GALK2: variants seen among roughly 807,000 people sequenced by gnomAD.
GALK2 encodes the protein galactokinase 2, also known as N-acetylgalactosamine kinase.
A neutral mutation model predicts 52.4 loss-of-function variants in GALK2; 36 were observed. The observed-to-expected ratio is 0.69, with a 90% CI of 0.53 to 0.91. The LOEUF is 0.91. GALK2 is among the 40% of genes least tolerant of loss of function. GALK2 has a pLI of 0.00. For missense variants in GALK2, 579 were observed against 559.1 expected, an observed-to-expected ratio of 1.04 and a Z score of -0.36; for synonymous variants, 176 against 199.1, an observed-to-expected ratio of 0.88 and a Z score of 0.98.
At chr15:49,299,738 T>TTTCTTTCTTTCTTTCTTTCTTTCTTTC (rs2034844329) in intron 8 of GALK2, among the ~76,000 whole-genome samples, 18 of 76,452 alleles carry the variant, frequency 2.4e-4, no homozygotes, top group African/African-American at 7.7e-4. Context: ...TTCTTTCTTT[T>TTTCTTTCTTTCTTTCTTTCTTTCTTTC]CTTTCTTTCT....
At chr15:49,366,789 G>A in intron 3 of GALK2, 1 of 589,936 alleles carries the variant, frequency 1.7e-6, no homozygotes, top group East Asian at 3.1e-5. Context: ...GGCCGGGCTA[G>A]GCTGGGATCG....
At chr15:49,196,049 A>G (rs2141282976) in intron 1 of GALK2, among the ~76,000 whole-genome samples, 1 of 152,092 alleles carries the variant, frequency 6.6e-6, no homozygotes, top group South Asian at 2.1e-4. Flanking sequence ...TTTATCCCCC[A>G]TATTATTAAT....
At chr15:49,361,536 T>TG (rs2151407594) in intron 3 of GALK2, among the ~76,000 whole-genome samples, 1 of 152,290 alleles carries the variant, frequency 6.6e-6, no homozygotes, top group Admixed American at 6.5e-5. Context: ...CTTAGGTTAA[T>TG]GGCCTCCAGC....
intron 8 of GALK2, among the ~76,000 whole-genome samples, chr15:49,302,780 A>G (rs2035221103): frequency 6.6e-6 from 1 of 152,208 alleles, no homozygotes; most frequent in South Asian, 2.1e-4. Context: ...AGACCCTTCT[A>G]GAGTTTACAG....
chr15:49,315,743 A>T (rs1272927518), intron 8 of GALK2, among the ~76,000 whole-genome samples: 1 of 152,182 alleles, frequency 6.6e-6, no homozygotes, highest in Non-Finnish European at 1.5e-5. Flanking sequence ...CTCGTTAGAC[A>T]TTCCTATTCA....
intron 3 of GALK2, among the ~76,000 whole-genome samples, chr15:49,229,344 C>T (rs1249555245): frequency 6.6e-6 from 1 of 152,108 alleles, no homozygotes; most frequent in Non-Finnish European, 1.5e-5. Context: ...GGTCCTTGGA[C>T]CCCTGGGTAG....
At chr15:49,318,381 G>A (rs961923992) in intron 8 of GALK2, among the ~76,000 whole-genome samples, 2 of 151,530 alleles carry the variant, frequency 1.3e-5, no homozygotes, top group African/African-American at 2.4e-5. Context: ...TAACATTTTC[G>A]TGCTTTCCTA....
At chr15:49,253,861 T>A (rs994778545) in intron 5 of GALK2, among the ~76,000 whole-genome samples, 1 of 143,938 alleles carries the variant, frequency 6.9e-6, no homozygotes, top group African/African-American at 2.5e-5. Context: ...ATCATCATCA[T>A]CAACAACAAC....
intron 1 of GALK2, among the ~76,000 whole-genome samples, chr15:49,189,027 A>G (rs2086548608): frequency 6.6e-6 from 1 of 152,202 alleles, no homozygotes; most frequent in South Asian, 2.1e-4. Flanking sequence ...CTTCCTTACC[A>G]TGCAGGCTAA....
chr15:49,222,275 T>G (rs2089853095), intron 3 of GALK2, among the ~76,000 whole-genome samples: 1 of 152,200 alleles, frequency 6.6e-6, no homozygotes, highest in African/African-American at 2.4e-5. Context: ...CTGAATTTAT[T>G]TATTAGGTGT....
At chr15:49,264,913 T>C (rs1316681522) in intron 5 of GALK2, among the ~76,000 whole-genome samples, 1 of 152,240 alleles carries the variant, frequency 6.6e-6, no homozygotes, top group East Asian at 1.9e-4. Context: ...CGAATGCTGC[T>C]GTCTGATCGT....
chr15:49,365,754 G>T, intron 3 of GALK2: 1 of 865,936 alleles, frequency 1.2e-6, no homozygotes, highest in Non-Finnish European at 2.0e-6. Flanking sequence ...AAGCCCACCT[G>T]TCTTCATTTT....
intron 7 of GALK2, among the ~76,000 whole-genome samples, chr15:49,289,213 G>C (rs1466303281): frequency 6.6e-6 from 1 of 152,144 alleles, no homozygotes; most frequent in African/African-American, 2.4e-5. Flanking sequence ...TGTCTGCCTG[G>C]AGCCTGGGAA....
chr15:49,277,438 G>T (rs2031984283), intron 5 of GALK2, among the ~76,000 whole-genome samples: 1 of 144,232 alleles, frequency 6.9e-6, no homozygotes, highest in Non-Finnish European at 1.5e-5. Flanking sequence ...AAAGTGCTGG[G>T]ATGACAGGCG....
chr15:49,304,951 C>T (rs549855764), intron 8 of GALK2, among the ~76,000 whole-genome samples: 9 of 152,290 alleles, frequency 5.9e-5, no homozygotes, highest in Non-Finnish European at 8.8e-5. Flanking sequence ...TGGCTTGTCA[C>T]TTTCTTCCCT....
At chr15:49,354,241 A>G (rs557077095) in intron 3 of GALK2, among the ~76,000 whole-genome samples, 1 of 152,260 alleles carries the variant, frequency 6.6e-6, no homozygotes, top group East Asian at 1.9e-4. Context: ...TATGGGGAGG[A>G]GCCAAGATGG....
chr15:49,240,168 C>T (rs956438460), intron 5 of GALK2, among the ~76,000 whole-genome samples: 20 of 152,162 alleles, frequency 1.3e-4, no homozygotes, highest in African/African-American at 4.6e-4. Context: ...TTCTTTTTAG[C>T]TGTCCTGTGT....
chr15:49,209,560 CA>C (rs1433491033), intron 2 of GALK2, among the ~76,000 whole-genome samples: 1 of 152,084 alleles, frequency 6.6e-6, no homozygotes, highest in African/African-American at 2.4e-5. Context: ...TGAATTTTAT[CA>C]AATGCTTTTT....
intron 7 of GALK2, among the ~76,000 whole-genome samples, chr15:49,291,273 CTCATTTCAAAT>C (rs2033909543): frequency 6.6e-6 from 1 of 151,912 alleles, no homozygotes; most frequent in Non-Finnish European, 1.5e-5. Flanking sequence ...AAATCATTAA[CTCATTTCAAAT>C]ATACGAGCCA....
Sources: allele counts gnomAD v4.1 joint callset (sites outside exome capture counted in the v4.1 genomes callset), GRCh38; gene constraint gnomAD v4.1.1; transcripts MANE v1.5; gene names NCBI Gene and HGNC (gene_info 2026-07-23, HGNC 2026-07-21).